The following RIC3 variants were observed in gnomAD, a reference collection of about 807,000 sequenced individuals.
The protein encoded by RIC3 is RIC3 acetylcholine receptor chaperone, also known as protein RIC-3.
Under a neutral mutation model 27.3 loss-of-function variants are expected in RIC3, and 28 were observed. The ratio of observed to expected loss-of-function variants is 1.02; its 90% CI spans 0.76 to 1.41. The LOEUF (loss-of-function observed/expected upper bound fraction) is 1.41. Ranked by LOEUF, RIC3 falls within the 40% of genes most tolerant of loss-of-function variation. The pLI is 0.00. For missense variants in RIC3, 501 were observed against 444.7 expected (o/e 1.13, Z -1.14); for synonymous variants, 184 against 160.4 (o/e 1.15, Z -1.11).
At chr11:8,127,227 G>A (rs970160659) in intron 4 of RIC3, among the ~76,000 whole-genome samples, 2 of 152,096 alleles carry the variant, frequency 1.3e-5, no homozygotes, top group Admixed American at 1.3e-4. Flanking sequence ...AAAACGTTCT[G>A]GGCCATTAGC....
chr11:8,149,751 G>C lies in RIC3; in HGVS notation c.125-9558C>G, dbSNP rs1211123487. ...CTAAATTCTTGGCTATGACGGGATG[G>C]GGGGTTCAAACCCACCTCATTATAC... On this transcript the variant is annotated intron_variant, in intron 1 of 5. Transcript: ENST00000309737. Among the ~76,000 whole-genome samples the C allele has an allele frequency of 3.3e-5, 5 of 152,274 alleles. No individual in the cohort carries two copies. In the East Asian group the frequency reaches 7.7e-4, roughly 24 times the overall value.
chr11:8,160,643 A>T (rs567959811), intron 1 of RIC3, among the ~76,000 whole-genome samples: 26 of 152,248 alleles, frequency 1.7e-4, no homozygotes, highest in Admixed American at 9.2e-4. Flanking sequence ...CAAAGTCAGC[A>T]AGGAAAATGC....
chr11:8,162,096 T>C (rs149667878), intron 1 of RIC3, among the ~76,000 whole-genome samples: 10 of 150,328 alleles, frequency 6.7e-5, no homozygotes, highest in African/African-American at 1.9e-4. Flanking sequence ...GTTGCAACCA[T>C]TGCTACCACC....
At chr11:8,099,438 T>A in the RIC3 span, among the ~76,000 whole-genome samples, 1 of 152,186 alleles carries the variant, frequency 6.6e-6, no homozygotes, top group Non-Finnish European at 1.5e-5. Context: ...CATGGGCACT[T>A]CTTGGAGGCC....
At chr11:8,125,690 G>T (rs1039762913) in intron 5 of RIC3, among the ~76,000 whole-genome samples, 1 of 152,162 alleles carries the variant, frequency 6.6e-6, no homozygotes, top group Admixed American at 6.5e-5. Context: ...TGGTGGGAAG[G>T]GAAAAAGTAG....
chr11:8,093,633 C>T, the RIC3 span, among the ~76,000 whole-genome samples: 1 of 152,200 alleles, frequency 6.6e-6, no homozygotes, highest in African/African-American at 2.4e-5. Context: ...CCCTGGAGTG[C>T]TTGCCCTGGT....
chr11:8,130,937 G>C (rs145979853), intron 4 of RIC3, among the ~76,000 whole-genome samples: 34 of 152,198 alleles, frequency 2.2e-4, no homozygotes, highest in Non-Finnish European at 4.7e-4. Context: ...TCAGGACCAC[G>C]TAAGCTACGT....
the RIC3 span, chr11:8,096,742 C>A: frequency 6.2e-7 from 1 of 1,614,068 alleles, no homozygotes; most frequent in Non-Finnish European, 8.5e-7. Flanking sequence ...GAGAATAGCT[C>A]CAGCTCCTCC....
intron 4 of RIC3, among the ~76,000 whole-genome samples, chr11:8,130,864 G>A (rs2133728776): frequency 6.6e-6 from 1 of 152,206 alleles, no homozygotes; most frequent in South Asian, 2.1e-4. Context: ...GGTCAGTGTG[G>A]CTGGACCACA....
At chr11:8,127,435 A>T (rs1947122429) in intron 4 of RIC3, among the ~76,000 whole-genome samples, 1 of 152,198 alleles carries the variant, frequency 6.6e-6, no homozygotes, top group South Asian at 2.1e-4. Context: ...AAGCACTATA[A>T]CTAAAACCAC....
the RIC3 span, chr11:8,096,940 C>T: frequency 9.7e-7 from 1 of 1,035,838 alleles, no homozygotes; most frequent in South Asian, 1.5e-5. Context: ...CTCTACCTTG[C>T]CTCCTAACCT....
chr11:8,100,774 T>C, the RIC3 span: 16 of 1,603,238 alleles, frequency 1.0e-5, no homozygotes, highest in Non-Finnish European at 1.2e-5. Context: ...CTTTCTGGGG[T>C]GGTCATGGTG....
In RIC3 at chr11:8,125,103, A is replaced by T. The variant is rs552210215; in HGVS notation, c.670+1556T>A. Among the ~76,000 whole-genome samples the T allele has an allele frequency of 2.6e-5, 4 of 152,088 alleles. No individual in the cohort carries two copies. In the South Asian group the frequency reaches 8.3e-4, roughly 32 times the overall value. On this transcript the variant is annotated intron_variant, in intron 5 of 5. Coordinates refer to ENST00000309737, the MANE Select transcript of RIC3 (RefSeq NM_001206671.4). ...CCCGTCTCTACTAAAAATACAAAAA[A>T]ATTAGCCAGGCATGGTGGCAGGCGC...
At chr11:8,113,963 G>C (rs1050449692) in intron 5 of RIC3, among the ~76,000 whole-genome samples, 1 of 152,148 alleles carries the variant, frequency 6.6e-6, no homozygotes, top group African/African-American at 2.4e-5. Flanking sequence ...CTCTGCACAA[G>C]ATACAAGCAC....
intron 5 of RIC3, among the ~76,000 whole-genome samples, chr11:8,112,208 A>G (rs1013845403): frequency 7.9e-5 from 12 of 152,140 alleles, no homozygotes; most frequent in Admixed American, 4.6e-4. Flanking sequence ...ATCACCCATA[A>G]TATCTTCACT....
intron 1 of RIC3, among the ~76,000 whole-genome samples, chr11:8,154,400 G>A (rs374536795): frequency 1.3e-5 from 2 of 152,128 alleles, no homozygotes; most frequent in African/African-American, 4.8e-5. Context: ...CAGTGGTGAC[G>A]GTTGCACAAC....
intron 3 of RIC3, among the ~76,000 whole-genome samples, chr11:8,137,679 A>T (rs1948584043): frequency 6.6e-6 from 1 of 152,248 alleles, no homozygotes; most frequent in South Asian, 2.1e-4. Flanking sequence ...GTTCCATAGA[A>T]AATCCAGAAG....
At chr11:8,165,355 TAA>T (rs1046611011) in intron 1 of RIC3, among the ~76,000 whole-genome samples, 9 of 133,326 alleles carry the variant, frequency 6.8e-5, no homozygotes, top group Non-Finnish European at 1.5e-4. Flanking sequence ...TATTCAGCCA[TAA>T]AAAAAGTACT....
At chr11:8,097,815 C>CG in the RIC3 span, 4 of 1,613,094 alleles carry the variant, frequency 2.5e-6, no homozygotes, top group Non-Finnish European at 3.4e-6. Flanking sequence ...ACAGCTATAT[C>CG]GGGAAACTGC....
Sources: gnomAD v4.1 joint callset for allele counts (sites outside exome capture counted in the v4.1 genomes callset) on GRCh38, gnomAD v4.1.1 for gene constraint, MANE v1.5 for transcripts, NCBI Gene and HGNC (gene_info 2026-07-23, HGNC 2026-07-21) for gene names.